The following CD86 variants were observed in gnomAD, a reference collection of about 807,000 sequenced individuals.
The protein encoded by CD86 is T-lymphocyte activation antigen CD86.
In CD86, 11 loss-of-function variants were observed where a neutral mutation model predicts 32.1. The ratio of observed to expected loss-of-function variants is 0.34; its 90% CI spans 0.22 to 0.57. CD86 has a LOEUF of 0.57. Among genes scored for constraint, CD86 ranks in the 20% least tolerant of loss-of-function variants. CD86 has a pLI of 0.86. For missense variants in CD86, 359 were observed against 398.4 expected (o/e 0.90, Z 0.84); for synonymous variants, 137 against 135.3 (o/e 1.01, Z -0.09).
Position 122,106,509 on chromosome 3 carries a change from G to A in CD86, c.703+9G>A. The A allele has an allele frequency of 6.3e-7, 1 of 1,586,678 alleles. No homozygotes were observed. Among genetic ancestry groups the A allele is most frequent in the Non-Finnish European group, 8.6e-7 (1 of 1,165,140 alleles). On this transcript the variant is annotated intron_variant, in intron 4 of 6. Coordinates refer to ENST00000330540, the MANE Select transcript of CD86 (RefSeq NM_175862.5). ...TTCACCTTTCTCTATAGGTAAAGCT[G>A]TTTTCCAAGACTATTTCTTTCAGCA...
At chr3:122,072,558 C>T (rs1236908046) in intron 1 of CD86, among the ~76,000 whole-genome samples, 1 of 152,140 alleles carries the variant, frequency 6.6e-6, no homozygotes, top group Non-Finnish European at 1.5e-5. Flanking sequence ...ATATCCCTTG[C>T]CCACTTTTTG....
intron 1 of CD86, chr3:122,077,733 C>T (rs746454962): frequency 1.3e-5 from 13 of 983,988 alleles, no homozygotes; most frequent in East Asian, 1.1e-4. Flanking sequence ...ACTCATGCTC[C>T]GAGGGTACGT....
intron 1 of CD86, among the ~76,000 whole-genome samples, chr3:122,074,267 C>A (rs1452355341): frequency 6.6e-6 from 1 of 152,190 alleles, no homozygotes; most frequent in African/African-American, 2.4e-5. Context: ...AGGACCCAGA[C>A]AACCATCCCC....
intron 1 of CD86, chr3:122,077,931 CA>C: frequency 2.0e-6 from 2 of 985,522 alleles, no homozygotes; most frequent in Non-Finnish European, 2.4e-6. Flanking sequence ...GGGGAGCTCG[CA>C]AATACTCCTT....
chr3:122,107,994 T>A (rs982624132), intron 4 of CD86, among the ~76,000 whole-genome samples: 1 of 152,222 alleles, frequency 6.6e-6, no homozygotes, highest in African/African-American at 2.4e-5. Flanking sequence ...AGTACCTCCT[T>A]CAATGTGTAA....
chr3:122,085,362 A>G (rs1054576236), intron 1 of CD86, among the ~76,000 whole-genome samples: 8 of 149,962 alleles, frequency 5.3e-5, no homozygotes, highest in African/African-American at 1.9e-4. Context: ...CAGTATCTCA[A>G]AGAGGGTTTC....
chr3:122,106,543 A>G, intron 4 of CD86, 43 bp downstream of exon 4: 1 of 1,506,254 alleles, frequency 6.6e-7, no homozygotes, highest in Non-Finnish European at 9.0e-7. Context: ...CAGGTATTAT[A>G]CACAAATGCT....
intron 4 of CD86, among the ~76,000 whole-genome samples, chr3:122,106,840 G>GCGCACACACACACACACA (rs1553754159): frequency 2.8e-5 from 4 of 143,476 alleles, no homozygotes; most frequent in African/African-American, 5.2e-5. Flanking sequence ...ACATGCGCTT[G>GCGCACACACACACACACA]CACACACACA....
At position 122,103,795 on chromosome 3, in the gene CD86, G is replaced by A. The variant is rs2073048407; in HGVS notation, c.348G>A (p.Lys116=). Residue 116 remains lysine (K), a synonymous_variant, in exon 3 of 7, where the codon AAG becomes AAA. Coordinates refer to ENST00000330540, the MANE Select transcript of CD86 (RefSeq NM_175862.5). The part of the protein sequence containing the change: ...GLYQCIIHHK[K]PTGMIRIHQM... ...ATCAATGTATCATCCATCACAAAAA[G>A]CCCACAGGAATGATTCGCATCCACC... 6.2e-7 allele frequency: 1 copy of A among 1,613,998 alleles called. No homozygotes were observed. Among genetic ancestry groups the A allele is most frequent in the Middle Eastern group, 1.7e-4 (1 of 6,058 alleles).
intron 1 of CD86, among the ~76,000 whole-genome samples, chr3:122,086,217 A>G (rs750210617): frequency 6.6e-6 from 1 of 152,150 alleles, no homozygotes; most frequent in Non-Finnish European, 1.5e-5. Context: ...TACCTCAATA[A>G]ATAACCTTCT....
chr3:122,098,642 T>A (rs2072946927), intron 2 of CD86, among the ~76,000 whole-genome samples: 1 of 152,208 alleles, frequency 6.6e-6, no homozygotes, highest in African/African-American at 2.4e-5. Flanking sequence ...GGGATCATTT[T>A]GGCTTGAGAA....
chr3:122,075,340 G>C (rs1159972838), intron 1 of CD86, among the ~76,000 whole-genome samples: 1 of 152,160 alleles, frequency 6.6e-6, no homozygotes, highest in Non-Finnish European at 1.5e-5. Flanking sequence ...GCTGAGAGGA[G>C]AGACTATTAA....
intron 4 of CD86, among the ~76,000 whole-genome samples, chr3:122,108,798 A>G (rs577797786): frequency 2.0e-5 from 3 of 152,218 alleles, no homozygotes; most frequent in African/African-American, 7.2e-5. Context: ...GGCCTGTGGA[A>G]GCTGTTCCAT....
chr3:122,066,587 T>TA (rs778269242), intron 1 of CD86, among the ~76,000 whole-genome samples: 3 of 152,160 alleles, frequency 2.0e-5, no homozygotes, highest in Non-Finnish European at 4.4e-5. Flanking sequence ...TATAAATTTT[T>TA]TAAAAAATAT....
chr3:122,067,057 G>A (rs1005628357), intron 1 of CD86, among the ~76,000 whole-genome samples: 1 of 152,082 alleles, frequency 6.6e-6, no homozygotes, highest in Non-Finnish European at 1.5e-5. Flanking sequence ...GTTTTCAAAG[G>A]TTCTAGGGGT....
At chr3:122,097,523 G>A (rs535177642) in intron 2 of CD86, among the ~76,000 whole-genome samples, 4 of 152,336 alleles carry the variant, frequency 2.6e-5, no homozygotes, top group Admixed American at 1.3e-4. Context: ...CCCACATAGA[G>A]TGAGTATACC....
intron 6 of CD86, 70 bp downstream of exon 6, chr3:122,118,163 C>A: frequency 3.1e-6 from 4 of 1,300,518 alleles, no homozygotes; most frequent in Non-Finnish European, 4.5e-6. Flanking sequence ...CTTGAATAGG[C>A]TTATGCCTAA....
intron 2 of CD86, among the ~76,000 whole-genome samples, chr3:122,095,900 T>A (rs1237986616): frequency 6.6e-6 from 1 of 152,196 alleles, no homozygotes; most frequent in Non-Finnish European, 1.5e-5. Flanking sequence ...TAGGGTTGTT[T>A]GGGAGCAAGA....
intron 5 of CD86, 33 bp downstream of exon 5, chr3:122,109,441 C>T: frequency 1.9e-6 from 3 of 1,612,110 alleles, no homozygotes; most frequent in Non-Finnish European, 2.5e-6. Flanking sequence ...CACAGACTGT[C>T]ACTTTGCACC....
Sources: gnomAD v4.1 joint callset for allele counts (sites outside exome capture counted in the v4.1 genomes callset) on GRCh38, gnomAD v4.1.1 for gene constraint, MANE v1.5 for transcripts, NCBI Gene and HGNC (gene_info 2026-07-23, HGNC 2026-07-21) for gene names.